ENTREP2: variants seen among roughly 807,000 people sequenced by gnomAD.
The protein encoded by ENTREP2 is endosomal transmembrane epsin interactor 2.
chr15:29,480,338 C>CAAAAAAAA, the ENTREP2 span, among the ~76,000 whole-genome samples: 5 of 29,430 alleles, frequency 1.7e-4, no homozygotes, highest in East Asian at 1.8e-3. Flanking sequence ...TTCACTATAG[C>CAAAAAAAA]AAAAAAAAAA....
chr15:29,227,673 A>G, the ENTREP2 span, among the ~76,000 whole-genome samples: 1 of 152,170 alleles, frequency 6.6e-6, no homozygotes, highest in Admixed American at 6.5e-5. Flanking sequence ...AGACGGAAGG[A>G]AAGAGGATAG....
chr15:29,369,592 AACACAC>A, the ENTREP2 span, among the ~76,000 whole-genome samples: 25,784 of 149,418 alleles, frequency 0.17, 2,357 homozygotes, highest in East Asian at 0.38. Context: ...GCTGAAATTA[AACACAC>A]ACACACACAC....
chr15:29,657,299 A>C, the ENTREP2 span, among the ~76,000 whole-genome samples: 3 of 151,298 alleles, frequency 2.0e-5, no homozygotes, highest in African/African-American at 7.3e-5. Context: ...CGACCTCCTG[A>C]TCCACCTACC....
At chr15:29,379,362 TAGTC>T in the ENTREP2 span, among the ~76,000 whole-genome samples, 1 of 152,180 alleles carries the variant, frequency 6.6e-6, no homozygotes, top group Non-Finnish European at 1.5e-5. Context: ...GAGCCACTGA[TAGTC>T]AGGAGGTTGC....
At chr15:29,300,205 T>C in the ENTREP2 span, among the ~76,000 whole-genome samples, 1 of 143,878 alleles carries the variant, frequency 7.0e-6, no homozygotes, top group African/African-American at 2.6e-5. Flanking sequence ...GGTAGGTGGG[T>C]GGGTGGGTGT....
At chr15:29,526,932 A>G in the ENTREP2 span, among the ~76,000 whole-genome samples, 4 of 152,116 alleles carry the variant, frequency 2.6e-5, no homozygotes, top group Admixed American at 2.0e-4. Flanking sequence ...AATGGTCACT[A>G]ACGATCTCCA....
the ENTREP2 span, among the ~76,000 whole-genome samples, chr15:29,136,184 T>C: frequency 2.0e-5 from 3 of 152,088 alleles, no homozygotes; most frequent in Non-Finnish European, 4.4e-5. Flanking sequence ...ATCCCACAGG[T>C]TTGCTGAAAG....
the ENTREP2 span, among the ~76,000 whole-genome samples, chr15:29,519,538 T>A: frequency 6.6e-6 from 1 of 152,248 alleles, no homozygotes; most frequent in African/African-American, 2.4e-5. Context: ...CTTATGATTT[T>A]CCTATTAACA....
At chr15:29,394,737 C>T in the ENTREP2 span, among the ~76,000 whole-genome samples, 1 of 152,034 alleles carries the variant, frequency 6.6e-6, no homozygotes, top group African/African-American at 2.4e-5. Flanking sequence ...TCCCCATTCC[C>T]TCCCCCACTC....
At chr15:29,480,612 T>G in the ENTREP2 span, among the ~76,000 whole-genome samples, 1 of 151,932 alleles carries the variant, frequency 6.6e-6, no homozygotes. Context: ...GGAGGCAGCA[T>G]GGGGCCCACT....
the ENTREP2 span, among the ~76,000 whole-genome samples, chr15:29,206,390 G>T: frequency 2.0e-5 from 3 of 152,122 alleles, no homozygotes; most frequent in South Asian, 2.1e-4. Flanking sequence ...ATTCGGGGGT[G>T]GGGGACACAA....
At chr15:29,590,858 T>C in the ENTREP2 span, among the ~76,000 whole-genome samples, 1 of 152,158 alleles carries the variant, frequency 6.6e-6, no homozygotes, top group South Asian at 2.1e-4. Flanking sequence ...CTGTGCTTTA[T>C]AAATGTTCTA....
the ENTREP2 span, among the ~76,000 whole-genome samples, chr15:29,201,748 TAC>T: frequency 6.6e-6 from 1 of 152,190 alleles, no homozygotes; most frequent in Admixed American, 6.5e-5. Flanking sequence ...TATTTTTCTA[TAC>T]TGTCTTTGTC....
the ENTREP2 span, among the ~76,000 whole-genome samples, chr15:29,663,971 TG>T: frequency 6.7e-6 from 1 of 149,156 alleles, no homozygotes. Context: ...GAGGTTGCAG[TG>T]AGCCGAGATC....
chr15:29,525,255 A>G, the ENTREP2 span, among the ~76,000 whole-genome samples: 1 of 152,276 alleles, frequency 6.6e-6, no homozygotes, highest in Admixed American at 6.5e-5. Context: ...TCCTAGGTAC[A>G]TACCCAAGAA....
At chr15:29,380,811 C>G in the ENTREP2 span, among the ~76,000 whole-genome samples, 1 of 151,088 alleles carries the variant, frequency 6.6e-6, no homozygotes, top group Non-Finnish European at 1.5e-5. Context: ...AGTGCATAAA[C>G]AGGCTTTAAT....
chr15:29,530,529 C>T, the ENTREP2 span, among the ~76,000 whole-genome samples: 8 of 152,148 alleles, frequency 5.3e-5, no homozygotes, highest in Admixed American at 3.3e-4. Flanking sequence ...CGAACTCCAA[C>T]GTGTCTGGAA....
chr15:29,583,726 C>T, the ENTREP2 span, among the ~76,000 whole-genome samples: 15 of 152,108 alleles, frequency 9.9e-5, no homozygotes, highest in Non-Finnish European at 1.5e-5. Context: ...ATCTTGTTCC[C>T]CATAATCCCT....
chr15:29,490,386 A>G, the ENTREP2 span, among the ~76,000 whole-genome samples: 1 of 151,104 alleles, frequency 6.6e-6, no homozygotes, highest in African/African-American at 2.5e-5. Flanking sequence ...AAACCTCCAC[A>G]ACATGGAAGA....
Sources: allele counts gnomAD v4.1 joint callset (sites outside exome capture counted in the v4.1 genomes callset), GRCh38; gene constraint gnomAD v4.1.1; transcripts MANE v1.5; gene names NCBI Gene and HGNC (gene_info 2026-07-23, HGNC 2026-07-21).